Variants in PCSK5 observed in about 807,000 individuals in gnomAD.
PCSK5 encodes the protein proprotein convertase subtilisin/kexin type 5, also known as prohormone convertase 5.
PCSK5 carries 129 observed loss-of-function variants against 233.2 expected under a neutral mutation model. That is an observed-to-expected ratio of 0.55 (90% CI 0.48 to 0.64). PCSK5 has a LOEUF of 0.64. PCSK5 is among the 30% of genes least tolerant of loss of function. The probability of loss-of-function intolerance (pLI) is 0.00; values close to 1 mark genes in which losing one functional copy is unlikely to be tolerated. For synonymous variants in PCSK5, 825 were observed against 879.2 expected (o/e 0.94, Z 1.09); for missense variants, 2,076 against 2,430.1 (o/e 0.85, Z 3.06).
At chr9:76,123,142 C>T (rs1198523202) in intron 9 of PCSK5, among the ~76,000 whole-genome samples, 1 of 152,090 alleles carries the variant, frequency 6.6e-6, no homozygotes, top group East Asian at 1.9e-4. Context: ...CTGCGCCCGG[C>T]CTACTTTTAT....
intron 10 of PCSK5, among the ~76,000 whole-genome samples, chr9:76,138,623 G>T (rs1159427926): frequency 6.6e-6 from 1 of 152,004 alleles, no homozygotes; most frequent in Non-Finnish European, 1.5e-5. Context: ...TGGTTTGGGT[G>T]TGAAGTTATA....
At chr9:76,010,408 G>A (rs182235962) in intron 3 of PCSK5, among the ~76,000 whole-genome samples, 1 of 152,122 alleles carries the variant, frequency 6.6e-6, no homozygotes, top group African/African-American at 2.4e-5. Context: ...TCCTTTTAAA[G>A]GAAGTTCTGT....
intron 5 of PCSK5, among the ~76,000 whole-genome samples, chr9:76,042,612 C>T (rs999460897): frequency 3.3e-5 from 5 of 152,052 alleles, no homozygotes; most frequent in Non-Finnish European, 7.4e-5. Context: ...GCTGAGATCA[C>T]GCCACGGCAT....
rs933620359 is a variant in PCSK5, at chr9:76,360,890, T to G, written c.*1968T>G. ...TTGATTTTTTTCAACCTTTTAAAAT[T>G]TAAAAATGCAAAAGCTATTCTCAGT... On this transcript the variant is annotated 3_prime_UTR_variant, in exon 38 of 38. Transcript: ENST00000674117. The G allele has an allele frequency of 6.6e-6, 1 of 152,196 alleles. No individual in the cohort carries two copies. Among genetic ancestry groups the G allele is most frequent in the African/African-American group, 2.4e-5 (1 of 41,440 alleles). The allele number at this position is 152,196 out of a possible 1,614,324, so 9.4% of individuals were successfully genotyped here.
chr9:76,261,695 G>C (rs776416561), intron 24 of PCSK5, among the ~76,000 whole-genome samples: 3 of 152,156 alleles, frequency 2.0e-5, no homozygotes, highest in Non-Finnish European at 4.4e-5. Flanking sequence ...GCAGTGGTTT[G>C]TAGTTCTCCT....
At chr9:76,031,780 G>A (rs1302936183) in intron 5 of PCSK5, among the ~76,000 whole-genome samples, 1 of 151,998 alleles carries the variant, frequency 6.6e-6, no homozygotes, top group Admixed American at 6.5e-5. Flanking sequence ...CATAATTACA[G>A]TTGTTATTAT....
At chr9:76,040,059 T>A (rs1416554) in intron 5 of PCSK5, among the ~76,000 whole-genome samples, 7,814 of 152,298 alleles carry the variant, frequency 0.051, 374 homozygotes, top group East Asian at 0.24. Flanking sequence ...ACATCACTTG[T>A]AAACATTCAT....
chr9:76,075,840 A>G (rs1830624935), intron 7 of PCSK5, among the ~76,000 whole-genome samples: 1 of 152,248 alleles, frequency 6.6e-6, no homozygotes, highest in South Asian at 2.1e-4. Flanking sequence ...TATTCATCAT[A>G]TTAAGCTTAG....
intron 14 of PCSK5, among the ~76,000 whole-genome samples, chr9:76,176,273 T>G (rs2377527): frequency 0.73 from 111,119 of 152,068 alleles, 41,159 homozygotes; most frequent in Non-Finnish European, 0.79. Flanking sequence ...CCTTCTTTTT[T>G]TATTAGTTTA....
At chr9:76,218,109 TTGA>T (rs146119995) in intron 20 of PCSK5, among the ~76,000 whole-genome samples, 5,885 of 152,220 alleles carry the variant, frequency 0.039, 160 homozygotes, top group South Asian at 0.13. Flanking sequence ...TGAACCTGAC[TTGA>T]TGAAACTCTG....
At chr9:76,033,185 C>G (rs938636257) in intron 5 of PCSK5, among the ~76,000 whole-genome samples, 1 of 152,010 alleles carries the variant, frequency 6.6e-6, no homozygotes, top group Non-Finnish European at 1.5e-5. Flanking sequence ...CCAAAGCAAC[C>G]AAAAGATATA....
At chr9:76,278,698 T>TATCC (rs1225339887) in intron 24 of PCSK5, among the ~76,000 whole-genome samples, 3 of 139,816 alleles carry the variant, frequency 2.1e-5, no homozygotes, top group East Asian at 2.0e-4. Context: ...TCTATCTATC[T>TATCC]ATCCATCCAT....
intron 24 of PCSK5, among the ~76,000 whole-genome samples, chr9:76,277,107 G>C (rs1187817734): frequency 6.6e-6 from 1 of 152,018 alleles, no homozygotes; most frequent in Non-Finnish European, 1.5e-5. Context: ...GCACAAACCT[G>C]TAGTCCCAGC....
At chr9:76,282,104 A>C (rs549484239) in intron 24 of PCSK5, among the ~76,000 whole-genome samples, 3 of 94,554 alleles carry the variant, frequency 3.2e-5, no homozygotes, top group African/African-American at 7.9e-5. Flanking sequence ...GCTGGAGTGC[A>C]CCATTCTTTT....
At chr9:76,273,504 C>T (rs1005701246) in intron 24 of PCSK5, among the ~76,000 whole-genome samples, 27 of 148,218 alleles carry the variant, frequency 1.8e-4, no homozygotes, top group Admixed American at 1.6e-3. Context: ...CAGCTGTTTG[C>T]TTTCTTGGTT....
intron 2 of PCSK5, among the ~76,000 whole-genome samples, chr9:75,982,864 TGA>T (rs1433931031): frequency 1.3e-5 from 2 of 151,848 alleles, no homozygotes; most frequent in Non-Finnish European, 2.9e-5. Context: ...TCTTGCACTC[TGA>T]GATTAGTGTT....
In PCSK5 at chr9:76,332,608, A is replaced by G; in HGVS notation, c.4746A>G (p.Glu1582=). The G allele has an allele frequency of 6.4e-7, 1 of 1,573,158 alleles. No individual in the cohort carries two copies. Among genetic ancestry groups the G allele is most frequent in the Non-Finnish European group, 8.6e-7 (1 of 1,158,020 alleles). Residue 1582 remains glutamate, a splice_region_variant and synonymous_variant, in exon 34 of 38, where the codon GAA becomes GAG. Transcript: ENST00000674117. ...AAGAGTGCCTGCTCCAGTGCAGGGA[A>G]GGGTAAGTGCTCAATACATTTTCCC... ...LGKECLLQCR[E]GYYADNSTGR...
intron 2 of PCSK5, among the ~76,000 whole-genome samples, chr9:75,937,746 T>C (rs1392068295): frequency 6.6e-6 from 1 of 152,248 alleles, no homozygotes; most frequent in African/African-American, 2.4e-5. Context: ...GGATCTTCTG[T>C]ATCACTTGCT....
At position 76,362,505 on chromosome 9, in the gene PCSK5, T is replaced by A. The variant is rs916438101; in HGVS notation, c.*3583T>A. ...AGCTTTATCAATTCTGAATTTTCTC[T>A]CCTAAAAATCAGCTCAATCTGTCTT... On this transcript the variant is annotated 3_prime_UTR_variant, in exon 38 of 38. Coordinates refer to ENST00000674117, the MANE Select transcript of PCSK5 (RefSeq NM_001372043.1). Among the ~76,000 whole-genome samples the A allele has an allele frequency of 6.6e-6, 1 of 152,172 alleles. No individual in the cohort carries two copies. Among genetic ancestry groups the A allele is most frequent in the East Asian group, 1.9e-4 (1 of 5,190 alleles).
Sources: allele counts gnomAD v4.1 joint callset (sites outside exome capture counted in the v4.1 genomes callset), GRCh38; gene constraint gnomAD v4.1.1; transcripts MANE v1.5; gene names NCBI Gene and HGNC (gene_info 2026-07-23, HGNC 2026-07-21).